The following ZNF704 variants were observed in gnomAD, a reference collection of about 807,000 sequenced individuals.
ZNF704 encodes the protein glucocorticoid induced gene 1.
ZNF704 carries 10 observed loss-of-function variants against 44.7 expected under a neutral mutation model. That is an observed-to-expected ratio of 0.22 (90% CI 0.14 to 0.38). ZNF704 has a LOEUF of 0.38. Ranked by LOEUF, ZNF704 falls within the 10% of genes least tolerant of loss-of-function variation. The pLI is 1.00. For synonymous variants in ZNF704, 211 were observed against 207.6 expected (o/e 1.02, Z -0.14); for missense variants, 390 against 545.5 (o/e 0.71, Z 2.84).
At chr8:80,806,554 A>AC (rs1445263264) in intron 2 of ZNF704, among the ~76,000 whole-genome samples, 1 of 152,150 alleles carries the variant, frequency 6.6e-6, no homozygotes, top group Non-Finnish European at 1.5e-5. Context: ...GAAGCAACAA[A>AC]CATATTTGAA....
chr8:80,808,659 A>G (rs981057085), intron 2 of ZNF704, among the ~76,000 whole-genome samples: 4 of 152,132 alleles, frequency 2.6e-5, no homozygotes, highest in Non-Finnish European at 5.9e-5. Flanking sequence ...CCCTCCTTAC[A>G]AATGTGGTGC....
chr8:80,705,700 G>A (rs1563525527), intron 2 of ZNF704, among the ~76,000 whole-genome samples: 3 of 152,098 alleles, frequency 2.0e-5, no homozygotes, highest in South Asian at 4.1e-4. Flanking sequence ...GGAGTGGGAG[G>A]TGGCTGTGCC....
In ZNF704 at chr8:80,694,547, A is replaced by G. The variant is rs150250297; in HGVS notation, c.222-1440T>C. On this transcript the variant is annotated intron_variant, in intron 2 of 8. Coordinates refer to ENST00000327835, the MANE Select transcript of ZNF704 (RefSeq NM_001033723.3). ...TGTCACTTTGACAAATGTGGCTTTCATTCACAGGTGTGCTGTCTAATTTGT... is the reference window on the plus strand; with the variant it reads ...TGTCACTTTGACAAATGTGGCTTTCGTTCACAGGTGTGCTGTCTAATTTGT... 5.1e-3 allele frequency among the ~76,000 whole-genome samples: 782 copies of G among 152,358 alleles called. 7 individuals carry two copies. The highest frequency in any genetic ancestry group is 0.014 in the Middle Eastern group (4 of 294).
rs760101502 is a variant in ZNF704 at position 80,664,927 on chromosome 8, T to C, written c.815A>G (p.Asp272Gly). The C allele has an allele frequency of 5.0e-6, 8 of 1,614,122 alleles. No homozygotes were observed. The South Asian group carries it at 6.6e-5, about 13-fold the overall frequency. The change falls in exon 6 of 9, where the codon GAT becomes GGT. Residue 272 changes from aspartate to glycine, a missense_variant. Asp to Gly is a moderately conservative substitution (Grantham distance 94, BLOSUM62 -1). Transcript: ENST00000327835. The stretch of plus-strand genomic sequence containing the variant: ...ACAAGGAGTTTCTGTTCGGCTTGAA[T>C]CTGGGATGGGGAAAGTAGGAGGTGA... ...LASPPTFPIP[D>G]SSRTETPCAK...
At chr8:80,765,136 G>A (rs980425823) in intron 2 of ZNF704, among the ~76,000 whole-genome samples, 2 of 152,096 alleles carry the variant, frequency 1.3e-5, no homozygotes, top group Non-Finnish European at 2.9e-5. Flanking sequence ...CTCAGGCCTT[G>A]GGGGGGCCAC....
chr8:80,856,421 TA>T (rs1296462641), intron 1 of ZNF704, among the ~76,000 whole-genome samples: 2 of 152,216 alleles, frequency 1.3e-5, no homozygotes, highest in Non-Finnish European at 2.9e-5. Context: ...AATTTAATTT[TA>T]TTAAATTAAT....
intron 2 of ZNF704, among the ~76,000 whole-genome samples, chr8:80,815,121 C>T (rs1382468111): frequency 2.6e-5 from 4 of 152,098 alleles, no homozygotes; most frequent in Non-Finnish European, 2.9e-5. Context: ...CAGAATGGCA[C>T]GCTATAAGGA....
At chr8:80,720,600 T>G (rs1256444312) in intron 2 of ZNF704, among the ~76,000 whole-genome samples, 2 of 152,246 alleles carry the variant, frequency 1.3e-5, no homozygotes, top group Non-Finnish European at 2.9e-5. Flanking sequence ...GCCCTTTTTT[T>G]GTTCTAAGCC....
chr8:80,645,158 T>C (rs192308661), intron 7 of ZNF704: 214 of 1,602,072 alleles, frequency 1.3e-4, no homozygotes, highest in East Asian at 1.8e-4. Context: ...AATAGTAAAT[T>C]TGTTTGTGCG....
intron 2 of ZNF704, among the ~76,000 whole-genome samples, chr8:80,710,560 C>G (rs1018759087): frequency 2.0e-5 from 3 of 152,116 alleles, no homozygotes; most frequent in Non-Finnish European, 4.4e-5. Context: ...GAGATGAAGT[C>G]TTTGGGAGGT....
chr8:80,676,701 G>A (rs180979264), intron 4 of ZNF704, among the ~76,000 whole-genome samples: 12 of 152,308 alleles, frequency 7.9e-5, no homozygotes, highest in African/African-American at 1.2e-4. Context: ...CACCAGGACC[G>A]GTTTCATGGA....
At chr8:80,743,488 G>A (rs1348300204) in intron 2 of ZNF704, among the ~76,000 whole-genome samples, 4 of 152,180 alleles carry the variant, frequency 2.6e-5, no homozygotes, top group Non-Finnish European at 2.9e-5. Context: ...TAAACTAAAT[G>A]TTGTCTGGAG....
At chr8:80,827,535 T>C (rs368524383) in intron 1 of ZNF704, among the ~76,000 whole-genome samples, 2 of 152,342 alleles carry the variant, frequency 1.3e-5, no homozygotes, top group South Asian at 4.1e-4. Flanking sequence ...CCTATCAAGC[T>C]ACCAAGACTT....
intron 2 of ZNF704, among the ~76,000 whole-genome samples, chr8:80,709,464 A>T (rs1201885409): frequency 1.3e-5 from 2 of 149,884 alleles, no homozygotes; most frequent in African/African-American, 4.9e-5. Context: ...AAAAAAAAAA[A>T]AAAAAAAAAG....
At chr8:80,722,419 A>G (rs2131671488) in intron 2 of ZNF704, among the ~76,000 whole-genome samples, 1 of 152,370 alleles carries the variant, frequency 6.6e-6, no homozygotes, top group East Asian at 1.9e-4. Context: ...AGATTAACGA[A>G]TACAAACAAA....
At chr8:80,773,773 T>G (rs1353808310) in intron 2 of ZNF704, among the ~76,000 whole-genome samples, 1 of 152,214 alleles carries the variant, frequency 6.6e-6, no homozygotes, top group Non-Finnish European at 1.5e-5. Context: ...CCATAGTTTC[T>G]CAGCAGAGAC....
chr8:80,723,109 TAAC>T (rs1001331611), intron 2 of ZNF704, among the ~76,000 whole-genome samples: 6 of 152,204 alleles, frequency 3.9e-5, no homozygotes, highest in Non-Finnish European at 7.4e-5. Context: ...ATGATACTAA[TAAC>T]AAAACTACAA....
At chr8:80,727,014 G>C (rs556693211) in intron 2 of ZNF704, among the ~76,000 whole-genome samples, 1 of 152,194 alleles carries the variant, frequency 6.6e-6, no homozygotes, top group South Asian at 2.1e-4. Flanking sequence ...TTTTGATCTA[G>C]GATTGATTAT....
intron 2 of ZNF704, among the ~76,000 whole-genome samples, chr8:80,772,982 C>A (rs1489178493): frequency 2.0e-5 from 3 of 152,186 alleles, no homozygotes; most frequent in African/African-American, 7.2e-5. Context: ...TTTAAAATTT[C>A]TCTTGAGAGT....
Sources: allele counts gnomAD v4.1 joint callset (sites outside exome capture counted in the v4.1 genomes callset), GRCh38; gene constraint gnomAD v4.1.1; transcripts MANE v1.5; gene names NCBI Gene and HGNC (gene_info 2026-07-23, HGNC 2026-07-21).